Variants in NOL4 observed in about 807,000 individuals in gnomAD.
NOL4 encodes the protein cancer/testis antigen 125.
Under a neutral mutation model 75.9 loss-of-function variants are expected in NOL4, and 17 were observed. That is an observed-to-expected ratio of 0.22 (90% CI 0.15 to 0.34). The LOEUF (loss-of-function observed/expected upper bound fraction) is 0.34. Ranked by LOEUF, NOL4 falls within the 10% of genes least tolerant of loss-of-function variation. The pLI is 1.00. For synonymous variants in NOL4, 292 were observed against 289.9 expected (o/e 1.01, Z -0.07); for missense variants, 614 against 793.5 (o/e 0.77, Z 2.72).
rs755916763 is a variant in NOL4 at position 34,019,409 on chromosome 18, T to A, written c.965A>T (p.Asp322Val). 4 of 1,613,904 alleles carry A rather than the reference T, an allele frequency of 2.5e-6. No individual in the cohort carries two copies. Among genetic ancestry groups the A allele is most frequent in the Non-Finnish European group, 3.4e-6 (4 of 1,179,976 alleles). The change falls in exon 6 of 11, where the codon GAT becomes GTT. Residue 322 changes from aspartate (D) to valine (V), a missense_variant. Coordinates refer to ENST00000261592, the MANE Select transcript of NOL4 (RefSeq NM_003787.5). The stretch of plus-strand genomic sequence containing the variant: ...GTTTTTCCCATTACTGTTGTGATCA[T>A]CTATTCTGTATTCCGAAGTTAGCTG... Reference protein sequence around the residue: ...SAQLTSEYRIDDHNSNGKNKY... With the variant: ...SAQLTSEYRIVDHNSNGKNKY...
At chr18:34,051,329 T>C (rs1479318956) in intron 5 of NOL4, among the ~76,000 whole-genome samples, 2 of 151,868 alleles carry the variant, frequency 1.3e-5, no homozygotes, top group Admixed American at 1.3e-4. Context: ...AGAAGAAAAA[T>C]GTAAATCTGT....
At chr18:33,866,709 C>T (rs1339986484) in intron 10 of NOL4, among the ~76,000 whole-genome samples, 2 of 152,094 alleles carry the variant, frequency 1.3e-5, no homozygotes, top group African/African-American at 4.8e-5. Flanking sequence ...AAGCGAAAGA[C>T]TCCTAGCATG....
chr18:34,017,879 T>C (rs1269893981), intron 6 of NOL4, among the ~76,000 whole-genome samples: 5 of 152,132 alleles, frequency 3.3e-5, no homozygotes, highest in East Asian at 1.9e-4. Context: ...TATCTTCTTC[T>C]CTTCTAGGCT....
chr18:34,181,637 A>G (rs2034045100), intron 1 of NOL4, among the ~76,000 whole-genome samples: 1 of 151,608 alleles, frequency 6.6e-6, no homozygotes, highest in Admixed American at 6.6e-5. Context: ...AAGCCAACCC[A>G]AAGAGTGGAA....
At chr18:34,139,186 T>C (rs761655083) in intron 1 of NOL4, among the ~76,000 whole-genome samples, 4 of 152,134 alleles carry the variant, frequency 2.6e-5, no homozygotes, top group Admixed American at 6.6e-5. Context: ...ATGATGCTGG[T>C]CTCATAAAAT....
chr18:33,987,567 T>C, intron 6 of NOL4, among the ~76,000 whole-genome samples: 1 of 152,106 alleles, frequency 6.6e-6, no homozygotes, highest in Admixed American at 6.6e-5. Context: ...ACAATGTGTG[T>C]TTGGATTTAG....
Position 33,957,343 on chromosome 18 carries a change from T to C in NOL4, c.1411A>G (p.Arg471Gly), listed in dbSNP as rs1234480087. The part of the protein sequence containing the change: ...TYLKSCRRMK[R>G]SGFEMSRPIP... ...AAACTCACCATCTCAAAACCACTTC[T>C]TTTCATCCGCCTGCAGGACTTGAGG... is the stretch of plus-strand genomic sequence containing the variant. Residue 471 changes from arginine to glycine, a missense_variant, in exon 8 of 11, where the codon AGA becomes GGA. Around this residue, in one of 9 missense-constraint regions of NOL4, gnomAD observed 52 missense variants for 121.1 expected, o/e 0.43. Coordinates refer to ENST00000261592, the MANE Select transcript of NOL4 (RefSeq NM_003787.5). 1 of 1,612,890 alleles carries C rather than the reference T, an allele frequency of 6.2e-7. No homozygotes were observed. The highest frequency in any genetic ancestry group is 8.5e-7 in the Non-Finnish European group (1 of 1,179,276).
At chr18:34,049,093 CA>C (rs1568273166) in intron 5 of NOL4, among the ~76,000 whole-genome samples, 3 of 143,348 alleles carry the variant, frequency 2.1e-5, no homozygotes, top group Non-Finnish European at 3.2e-5. Context: ...CACACACACA[CA>C]CACACACACA....
intron 6 of NOL4, among the ~76,000 whole-genome samples, chr18:33,962,174 T>C (rs1477331295): frequency 1.3e-5 from 2 of 152,146 alleles, no homozygotes; most frequent in African/African-American, 4.8e-5. Context: ...GATCTCACTA[T>C]TACTGAAATT....
chr18:33,976,694 TATCTC>T (rs2071514247), intron 6 of NOL4, among the ~76,000 whole-genome samples: 1 of 152,198 alleles, frequency 6.6e-6, no homozygotes, highest in Non-Finnish European at 1.5e-5. Flanking sequence ...ACTATACTGT[TATCTC>T]ATATTTATAG....
intron 5 of NOL4, among the ~76,000 whole-genome samples, chr18:34,082,390 T>TCAAA (rs999412022): frequency 6.6e-6 from 1 of 151,988 alleles, no homozygotes; most frequent in African/African-American, 2.4e-5. Context: ...AGTGTCCACC[T>TCAAA]CAAATGGCTC....
rs138822244 is a variant in NOL4 at position 33,892,726 on chromosome 18, T to C, written c.1543-9302A>G. Among the ~76,000 whole-genome samples, 3 of 152,170 alleles carry C rather than the reference T, an allele frequency of 2.0e-5. No individual in the cohort carries two copies. The East Asian group carries it at 5.8e-4, about 30-fold the overall frequency. The stretch of plus-strand genomic sequence containing the variant: ...AGGCTGGAGTGCAGTGGCACCACCA[T>C]AGCTCTCTGCAGTCTCAAACTCCCA... On this transcript the variant is annotated intron_variant, in intron 9 of 10. Transcript: ENST00000261592.
intron 9 of NOL4, among the ~76,000 whole-genome samples, chr18:33,897,125 G>A (rs2065459008): frequency 6.6e-6 from 1 of 152,138 alleles, no homozygotes; most frequent in Non-Finnish European, 1.5e-5. Context: ...ACAGATGCTG[G>A]TGAGGTTATG....
chr18:33,884,303 T>A (rs527352208), intron 9 of NOL4, among the ~76,000 whole-genome samples: 11 of 152,186 alleles, frequency 7.2e-5, no homozygotes, highest in Non-Finnish European at 1.0e-4. Flanking sequence ...ATTTTGTTTA[T>A]AACAAAATTT....
intron 5 of NOL4, among the ~76,000 whole-genome samples, chr18:34,031,456 G>A (rs898739890): frequency 1.3e-5 from 2 of 152,134 alleles, no homozygotes; most frequent in Non-Finnish European, 2.9e-5. Context: ...TACATATCTT[G>A]TCACTGATAT....
intron 9 of NOL4, among the ~76,000 whole-genome samples, chr18:33,901,042 CTT>C (rs1006457663): frequency 6.6e-6 from 1 of 152,072 alleles, no homozygotes; most frequent in African/African-American, 2.4e-5. Flanking sequence ...ATTTAGGTAT[CTT>C]TGGTAAATAA....
At chr18:34,135,047 T>C (rs896419663) in intron 1 of NOL4, among the ~76,000 whole-genome samples, 3 of 152,082 alleles carry the variant, frequency 2.0e-5, no homozygotes, top group East Asian at 3.8e-4. Context: ...GGAGAGAATA[T>C]GTAAAAACTT....
chr18:34,074,664 G>A (rs1160625427), intron 5 of NOL4, among the ~76,000 whole-genome samples: 2 of 151,950 alleles, frequency 1.3e-5, no homozygotes, highest in African/African-American at 2.4e-5. Context: ...CGAGTACCAA[G>A]AATTAAGGGA....
intron 6 of NOL4, among the ~76,000 whole-genome samples, chr18:33,979,954 C>T (rs9961459): frequency 1.3e-5 from 2 of 151,946 alleles, no homozygotes; most frequent in Non-Finnish European, 2.9e-5. Flanking sequence ...TTAAATGCCA[C>T]AAAATTTTCA....
Sources: gnomAD v4.1 joint callset for allele counts (sites outside exome capture counted in the v4.1 genomes callset) on GRCh38, gnomAD v4.1.1 for gene constraint, gnomAD v4.1.1 regional missense constraint, MANE v1.5 for transcripts, NCBI Gene and HGNC (gene_info 2026-07-23, HGNC 2026-07-21) for gene names.